The following KDM2B variants were observed in gnomAD, a reference collection of about 807,000 sequenced individuals.
KDM2B encodes the protein lysine demethylase 2B, also known as lysine-specific demethylase 2B.
A neutral mutation model predicts 150.0 loss-of-function variants in KDM2B; 26 were observed. That is an observed-to-expected ratio of 0.17 (90% confidence interval 0.13 to 0.24). The LOEUF (loss-of-function observed/expected upper bound fraction) is 0.24. Among genes scored for constraint, KDM2B ranks in the 10% least tolerant of loss-of-function variants. KDM2B has a pLI of 1.00. For missense variants in KDM2B, 1,265 were observed against 1,816.9 expected (o/e 0.70, Z 5.52); for synonymous variants, 734 against 729.5 (o/e 1.01, Z -0.10).
rs554429643 is a variant in KDM2B at position 121,488,510 on chromosome 12, T to C, written c.1734+6069A>G. ...TGAGACTTGCCCAAGACAACACAGC[T>C]AGTCAGTGGTGAAGGAAGGAGTCCA... On this transcript the variant is annotated intron_variant, in intron 12 of 22. Coordinates refer to ENST00000377071, the MANE Select transcript of KDM2B (RefSeq NM_032590.5). Among the ~76,000 whole-genome samples the C allele has an allele frequency of 3.3e-5, 5 of 152,302 alleles. No individual in the cohort carries two copies. In the East Asian group the frequency reaches 9.6e-4, roughly 29 times the overall value.
intron 4 of KDM2B, among the ~76,000 whole-genome samples, chr12:121,568,778 T>C (rs990934585): frequency 6.6e-6 from 1 of 151,612 alleles, no homozygotes; most frequent in Non-Finnish European, 1.5e-5. Context: ...GGTTACCATA[T>C]GTGCACTTTT....
At chr12:121,568,008 C>T (rs921285315) in intron 4 of KDM2B, among the ~76,000 whole-genome samples, 4 of 152,068 alleles carry the variant, frequency 2.6e-5, no homozygotes, top group African/African-American at 9.7e-5. Flanking sequence ...GGATTACAGG[C>T]GTGAGCCACT....
At chr12:121,510,067 C>G (rs199629705) in intron 10 of KDM2B, 28 bp from the exon 11 acceptor site, 5 of 1,511,082 alleles carry the variant, frequency 3.3e-6, no homozygotes, top group Non-Finnish European at 4.4e-6. Flanking sequence ...CAAGAAAGAC[C>G]GAGATGACAC....
intron 12 of KDM2B, among the ~76,000 whole-genome samples, chr12:121,484,478 C>T (rs1485230563): frequency 1.3e-5 from 2 of 152,064 alleles, no homozygotes. Context: ...CGACAGATGG[C>T]GACTTGGGCA....
At chr12:121,557,215 C>A (rs1889964007) in intron 4 of KDM2B, among the ~76,000 whole-genome samples, 1 of 149,060 alleles carries the variant, frequency 6.7e-6, no homozygotes, top group Non-Finnish European at 1.5e-5. Context: ...TAGGGTAGGC[C>A]TAATAAGACA....
rs782714570 is a variant in KDM2B at position 121,537,144 on chromosome 12, C to T, written c.684-2554G>A. The stretch of plus-strand genomic sequence containing the variant: ...CTGGCCGCCAAGCCTGGCCGCCCCT[C>T]CCACCCCGCGATCGCAGGCATTAGG... On this transcript the variant is annotated intron_variant, in intron 6 of 22. Transcript: ENST00000377071. The surrounding 1 kb of genome is among the most constrained non-coding windows in gnomAD (Gnocchi z 8.7). Among the ~76,000 whole-genome samples, 2 of 152,086 alleles carry T rather than the reference C, an allele frequency of 1.3e-5. No homozygotes were observed. Among genetic ancestry groups the T allele is most frequent in the Non-Finnish European group, 2.9e-5 (2 of 67,972 alleles).
At chr12:121,458,706 C>G (rs1878662065) in intron 12 of KDM2B, among the ~76,000 whole-genome samples, 1 of 152,098 alleles carries the variant, frequency 6.6e-6, no homozygotes, top group South Asian at 2.1e-4. Context: ...GAGGCTGAGG[C>G]AGGAGAATCA....
chr12:121,419,917 T>C, the KDM2B span: 4 of 184,914 alleles, frequency 2.2e-5, no homozygotes, highest in Non-Finnish European at 4.6e-5. Flanking sequence ...TGCAGGTACT[T>C]TGATAATGAC....
chr12:121,445,257 C>A lies in KDM2B; in HGVS notation c.2103+18G>T. 1.9e-6 allele frequency: 3 copies of A among 1,611,370 alleles called. No homozygotes were observed. In the South Asian group the frequency reaches 3.3e-5, roughly 18 times the overall value. ...GCCCCAGAGCGTCAGCACCACCTGT[C>A]CCCACTGGGCCACTCACCTTAAGGC... is the stretch of plus-strand genomic sequence containing the variant. On this transcript the variant is annotated intron_variant, in intron 14 of 22. Coordinates refer to ENST00000377071, the MANE Select transcript of KDM2B (RefSeq NM_032590.5).
chr12:121,445,727 A>G lies in KDM2B; in HGVS notation c.1960-309T>C, dbSNP rs143887731. ...GACAGAGCATGTTAGAGACAGAGACATGGGGAAAAATTAGAGGGCTGGAGT... is the reference window on the plus strand; with the variant it reads ...GACAGAGCATGTTAGAGACAGAGACGTGGGGAAAAATTAGAGGGCTGGAGT... On this transcript the variant is annotated intron_variant, in intron 13 of 22. Transcript: ENST00000377071. 7.7e-3 allele frequency among the ~76,000 whole-genome samples: 1,176 copies of G among 152,292 alleles called. 15 individuals are homozygous for G. Among genetic ancestry groups the G allele is most frequent in the African/African-American group, 0.025 (1,024 of 41,566 alleles).
chr12:121,579,692 C>A, intron 1 of KDM2B: 1 of 1,415,676 alleles, frequency 7.1e-7, no homozygotes, highest in East Asian at 3.3e-5. Flanking sequence ...CCGCATCCCC[C>A]TGCCTCCTCC....
rs141602372 is a variant in KDM2B at position 121,513,251 on chromosome 12, C to T, written c.1174+25G>A. 2 of 1,608,224 alleles carry T rather than the reference C, an allele frequency of 1.2e-6. No homozygotes were observed. Among genetic ancestry groups the T allele is most frequent in the African/African-American group, 2.7e-5 (2 of 74,954 alleles). On this transcript the variant is annotated intron_variant, in intron 10 of 22. Transcript: ENST00000377071. The surrounding 1 kb of genome is among the most constrained non-coding windows in gnomAD (Gnocchi z 5.0). ...TCTGCCCCAGCTGTGCAGCCGAGGCCGTGGGCTCCCTCCGGTTCACTCACC... is the reference window on the plus strand; with the variant it reads ...TCTGCCCCAGCTGTGCAGCCGAGGCTGTGGGCTCCCTCCGGTTCACTCACC...
chr12:121,558,114 G>T (rs1890034738), intron 4 of KDM2B, among the ~76,000 whole-genome samples: 1 of 152,240 alleles, frequency 6.6e-6, no homozygotes, highest in Admixed American at 6.5e-5. Context: ...TGAGTGCCGT[G>T]AGGGCAGGAG....
chr12:121,490,148 C>T (rs1433013580), intron 12 of KDM2B, among the ~76,000 whole-genome samples: 1 of 152,200 alleles, frequency 6.6e-6, no homozygotes, highest in Non-Finnish European at 1.5e-5. Context: ...AACGGACCAA[C>T]TTCGGAGGAA....
intron 12 of KDM2B, among the ~76,000 whole-genome samples, chr12:121,479,182 G>A (rs1175917056): frequency 6.6e-6 from 1 of 151,994 alleles, no homozygotes; most frequent in African/African-American, 2.4e-5. Context: ...GGGCGCGGTG[G>A]CTCAGGCCTG....
chr12:121,443,889 C>A (rs1875647118), intron 16 of KDM2B, 96 bp from the exon 17 acceptor site: 3 of 1,422,480 alleles, frequency 2.1e-6, no homozygotes, highest in Non-Finnish European at 1.9e-6. Flanking sequence ...CTGCTCAGGG[C>A]AGCAAGAGGC....
At chr12:121,563,000 C>T (rs996354010) in intron 4 of KDM2B, among the ~76,000 whole-genome samples, 12 of 152,268 alleles carry the variant, frequency 7.9e-5, no homozygotes, top group African/African-American at 2.9e-4. Context: ...TGGATTCTCT[C>T]ATTAGAGAGA....
chr12:121,522,288 G>A (rs570824592), intron 8 of KDM2B, among the ~76,000 whole-genome samples: 86 of 152,060 alleles, frequency 5.7e-4, no homozygotes, highest in African/African-American at 1.9e-3. Context: ...GGCCGAGGTG[G>A]GCGGATCACC....
At chr12:121,455,794 G>A (rs184705174) in intron 12 of KDM2B, among the ~76,000 whole-genome samples, 41 of 152,296 alleles carry the variant, frequency 2.7e-4, no homozygotes, top group African/African-American at 1.4e-4. Flanking sequence ...AGCACCTTTC[G>A]GGGGCCAAGT....
Sources: allele counts gnomAD v4.1 joint callset (sites outside exome capture counted in the v4.1 genomes callset), GRCh38; gene constraint gnomAD v4.1.1; non-coding constraint Gnocchi (gnomAD v3.1); transcripts MANE v1.5; gene names NCBI Gene and HGNC (gene_info 2026-07-23, HGNC 2026-07-21).